The following MAF variants were observed in gnomAD, a reference collection of about 807,000 sequenced individuals.
The protein encoded by MAF is transcription factor Maf.
In MAF, 10 loss-of-function variants were observed where a neutral mutation model predicts 22.0. That is an observed-to-expected ratio of 0.45 (90% CI 0.28 to 0.77). The LOEUF (loss-of-function observed/expected upper bound fraction) is 0.77. MAF is among the 30% of genes least tolerant of loss of function. The pLI is 0.12. For synonymous variants in MAF, 337 were observed against 255.8 expected (o/e 1.32, Z -3.03); for missense variants, 544 against 548.4 (o/e 0.99, Z 0.08).
the MAF span, among the ~76,000 whole-genome samples, chr16:79,552,822 A>T: frequency 6.6e-6 from 1 of 152,150 alleles, no homozygotes; most frequent in African/African-American, 2.4e-5. Flanking sequence ...AGGCTGGTGC[A>T]AAGCTAAGGC....
chr16:79,578,391 G>A, the MAF span, among the ~76,000 whole-genome samples: 2 of 152,006 alleles, frequency 1.3e-5, no homozygotes, highest in Non-Finnish European at 2.9e-5. Flanking sequence ...GGACTCAGGT[G>A]CATGCCGATA....
At chr16:79,285,668 C>G in the MAF span, among the ~76,000 whole-genome samples, 1 of 152,120 alleles carries the variant, frequency 6.6e-6, no homozygotes, top group Non-Finnish European at 1.5e-5. Flanking sequence ...CAGAAACCAC[C>G]CTGAAATCCT....
the MAF span, among the ~76,000 whole-genome samples, chr16:79,502,269 C>A: frequency 6.6e-6 from 1 of 152,138 alleles, no homozygotes; most frequent in African/African-American, 2.4e-5. Context: ...TCAGGTTACC[C>A]ATGGCTAAAA....
At chr16:79,419,091 G>C in the MAF span, among the ~76,000 whole-genome samples, 19 of 152,312 alleles carry the variant, frequency 1.2e-4, 1 homozygote, top group Middle Eastern at 3.4e-3. Context: ...TCTAAATGTG[G>C]ACCAAACTCC....
At chr16:79,307,910 C>A in the MAF span, among the ~76,000 whole-genome samples, 1 of 152,202 alleles carries the variant, frequency 6.6e-6, no homozygotes, top group Non-Finnish European at 1.5e-5. Flanking sequence ...AGTTCCTCTA[C>A]AACCTACCCT....
At chr16:79,395,271 G>A in the MAF span, among the ~76,000 whole-genome samples, 1 of 152,202 alleles carries the variant, frequency 6.6e-6, no homozygotes, top group African/African-American at 2.4e-5. Flanking sequence ...GCAACAGAAA[G>A]GGTTATCTCC....
At chr16:79,538,811 G>A in the MAF span, among the ~76,000 whole-genome samples, 3 of 149,070 alleles carry the variant, frequency 2.0e-5, no homozygotes, top group African/African-American at 5.0e-5. Flanking sequence ...GGGTGACAGA[G>A]CATGACTCTG....
At chr16:79,264,861 C>G in the MAF span, among the ~76,000 whole-genome samples, 2 of 152,064 alleles carry the variant, frequency 1.3e-5, no homozygotes. Flanking sequence ...TACCAGTTCC[C>G]TCCACCCCAC....
At chr16:79,270,092 C>T in the MAF span, among the ~76,000 whole-genome samples, 1 of 151,978 alleles carries the variant, frequency 6.6e-6, no homozygotes, top group Non-Finnish European at 1.5e-5. Flanking sequence ...GCTACCTCTT[C>T]TCGGGGTGGG....
At chr16:79,317,913 TTCACTCAC>T in the MAF span, among the ~76,000 whole-genome samples, 39,262 of 144,402 alleles carry the variant, frequency 0.27, 6,328 homozygotes, top group Non-Finnish European at 0.37. Flanking sequence ...CATTCATTCA[TTCACTCAC>T]TCACTCACTC....
At chr16:79,497,246 C>T in the MAF span, among the ~76,000 whole-genome samples, 5 of 152,170 alleles carry the variant, frequency 3.3e-5, no homozygotes, top group Admixed American at 6.5e-5. Context: ...AGCAATAATA[C>T]AGAAGAAAAA....
At chr16:79,342,576 C>A in the MAF span, among the ~76,000 whole-genome samples, 1 of 152,196 alleles carries the variant, frequency 6.6e-6, no homozygotes, top group Middle Eastern at 3.4e-3. Flanking sequence ...ATCACCATCA[C>A]CATCACTGTC....
At chr16:79,308,773 G>C in the MAF span, among the ~76,000 whole-genome samples, 1 of 152,174 alleles carries the variant, frequency 6.6e-6, no homozygotes, top group Non-Finnish European at 1.5e-5. Context: ...GAAAGTTGCA[G>C]AGCTGGAAAG....
At chr16:79,389,055 A>G in the MAF span, among the ~76,000 whole-genome samples, 1 of 152,304 alleles carries the variant, frequency 6.6e-6, no homozygotes, top group East Asian at 1.9e-4. Context: ...CAAAAAATTG[A>G]TCCCATCGGA....
chr16:79,548,658 T>G, the MAF span, among the ~76,000 whole-genome samples: 1 of 152,172 alleles, frequency 6.6e-6, no homozygotes, highest in Non-Finnish European at 1.5e-5. Context: ...TCCATGGAGC[T>G]CTGTTCCTTC....
the MAF span, among the ~76,000 whole-genome samples, chr16:79,518,149 A>T: frequency 1.3e-5 from 2 of 152,226 alleles, no homozygotes; most frequent in African/African-American, 2.4e-5. Flanking sequence ...CCCATTTGGC[A>T]GGTGAAGAAG....
the MAF span, among the ~76,000 whole-genome samples, chr16:79,225,874 A>T: frequency 6.6e-6 from 1 of 152,220 alleles, no homozygotes; most frequent in African/African-American, 2.4e-5. Flanking sequence ...AAAAGTCAGG[A>T]AAGAACAGAT....
At chr16:79,595,405 A>C in intron 1 of MAF, 1 of 1,053,770 alleles carries the variant, frequency 9.5e-7, no homozygotes, top group Non-Finnish European at 1.1e-6. Context: ...TCAGAGTTGC[A>C]ATATTATCTT....
At chr16:79,429,447 G>A in the MAF span, among the ~76,000 whole-genome samples, 1 of 152,160 alleles carries the variant, frequency 6.6e-6, no homozygotes, top group Non-Finnish European at 1.5e-5. Context: ...CCCCTCTGAG[G>A]AGCGCCGTGC....
Sources: allele counts gnomAD v4.1 joint callset (sites outside exome capture counted in the v4.1 genomes callset), GRCh38; gene constraint gnomAD v4.1.1; transcripts MANE v1.5; gene names NCBI Gene and HGNC (gene_info 2026-07-23, HGNC 2026-07-21).